CFAP20DC: variants seen among roughly 807,000 people sequenced by gnomAD.
CFAP20DC encodes CFAP20 domain containing.
Under a neutral mutation model 101.7 loss-of-function variants are expected in CFAP20DC, and 84 were observed. The ratio of observed to expected loss-of-function variants is 0.83; its 90% CI spans 0.69 to 0.99. The LOEUF (loss-of-function observed/expected upper bound fraction) is 0.99, where lower values mean the gene tolerates loss of function less well. Among genes scored for constraint, CFAP20DC ranks in the 50% least tolerant of loss-of-function variants. CFAP20DC has a pLI of 0.00. For missense variants in CFAP20DC, 1,007 were observed against 970.3 expected, an observed-to-expected ratio of 1.04 and a Z score of -0.50; for synonymous variants, 359 against 351.2, an observed-to-expected ratio of 1.02 and a Z score of -0.25.
At chr3:58,965,424 A>T (rs1433429674) in intron 4 of CFAP20DC, among the ~76,000 whole-genome samples, 2 of 152,212 alleles carry the variant, frequency 1.3e-5, no homozygotes, top group Non-Finnish European at 2.9e-5. Flanking sequence ...TATGGCATTT[A>T]AACAGTATTA....
intron 3 of CFAP20DC, among the ~76,000 whole-genome samples, chr3:59,045,695 T>C (rs1320062933): frequency 6.6e-6 from 1 of 152,124 alleles, no homozygotes; most frequent in African/African-American, 2.4e-5. Flanking sequence ...ATATATATAC[T>C]TTATGATTAA....
chr3:58,962,746 T>A (rs1311316557), intron 4 of CFAP20DC, among the ~76,000 whole-genome samples: 1 of 152,106 alleles, frequency 6.6e-6, no homozygotes, highest in Non-Finnish European at 1.5e-5. Context: ...CCCTCTTGTG[T>A]CTCCTCTGTA....
chr3:58,869,404 G>C lies in CFAP20DC; in HGVS notation c.939C>G (p.Ala313=). 6.2e-7 allele frequency: 1 copy of C among 1,613,562 alleles called. No individual in the cohort carries two copies. Among genetic ancestry groups the C allele is most frequent in the Admixed American group, 1.7e-5 (1 of 60,010 alleles). ...GTTCCTCAGACTCAGGTATCAGCAA[G>C]GCTGACATTTCTGTACCATTAACAC... ...EKCVNGTEMS[A]LLIPESEEQG... is the part of the protein sequence containing the mutation. The change falls in exon 9 of 17, where the codon GCC becomes GCG. Residue 313 remains alanine (A), a synonymous_variant. Coordinates refer to ENST00000482387, the MANE Select transcript of CFAP20DC (RefSeq NM_001394063.1). The surrounding 1 kb of genome is among the most constrained non-coding windows in gnomAD (Gnocchi z 4.3).
At chr3:58,981,729 T>C (rs1403886683) in intron 4 of CFAP20DC, among the ~76,000 whole-genome samples, 1 of 152,232 alleles carries the variant, frequency 6.6e-6, no homozygotes, top group Non-Finnish European at 1.5e-5. Context: ...AAGACTTACA[T>C]GTTAGACCTA....
chr3:58,952,482 C>A (rs1437118263), intron 4 of CFAP20DC, among the ~76,000 whole-genome samples: 1 of 152,122 alleles, frequency 6.6e-6, no homozygotes, highest in Non-Finnish European at 1.5e-5. Context: ...ATTCAAGTAA[C>A]CATCATCAAC....
chr3:58,819,173 C>T (rs2107885466), intron 14 of CFAP20DC, among the ~76,000 whole-genome samples: 1 of 147,924 alleles, frequency 6.8e-6, no homozygotes, highest in Non-Finnish European at 1.5e-5. Context: ...GCACTAAATG[C>T]CCACAAGAGA....
At chr3:58,779,368 C>G (rs1188895329) in intron 15 of CFAP20DC, among the ~76,000 whole-genome samples, 1 of 152,078 alleles carries the variant, frequency 6.6e-6, no homozygotes, top group African/African-American at 2.4e-5. Flanking sequence ...AGTAACTATG[C>G]TTATATCAAA....
chr3:59,044,114 T>G (rs1699651798), intron 3 of CFAP20DC, among the ~76,000 whole-genome samples: 4 of 152,212 alleles, frequency 2.6e-5, no homozygotes, highest in Admixed American at 2.6e-4. Context: ...TACTAAACTT[T>G]CTTCCTAAGT....
chr3:58,852,619 A>G (rs1299242583), intron 12 of CFAP20DC, among the ~76,000 whole-genome samples: 1 of 150,984 alleles, frequency 6.6e-6, no homozygotes, highest in Non-Finnish European at 1.5e-5. Flanking sequence ...AAGAACAGAA[A>G]TTATAACAAA....
chr3:59,031,472 A>T (rs1178005922), intron 4 of CFAP20DC, among the ~76,000 whole-genome samples: 1 of 152,162 alleles, frequency 6.6e-6, no homozygotes, highest in Non-Finnish European at 1.5e-5. Flanking sequence ...GATCCCCTCT[A>T]CCTTTAGCAT....
intron 2 of CFAP20DC, among the ~76,000 whole-genome samples, chr3:59,046,874 C>A (rs918041142): frequency 6.6e-6 from 1 of 152,038 alleles, no homozygotes; most frequent in African/African-American, 2.4e-5. Context: ...ATGAAGAAAT[C>A]AAGAAACTGA....
chr3:58,905,370 T>C lies in CFAP20DC; in HGVS notation c.550+8338A>G, dbSNP rs182869230. ...TCTGGTTTTTATCTTAAACACAGAA[T>C]GATATGAGTTAATCAATAATTCAGT... On this transcript the variant is annotated intron_variant, in intron 6 of 16. Coordinates refer to ENST00000482387, the MANE Select transcript of CFAP20DC (RefSeq NM_001394063.1). Among the ~76,000 whole-genome samples the C allele has an allele frequency of 2.3e-4, 35 of 152,332 alleles. No individual in the cohort carries two copies. In the East Asian group the frequency reaches 5.0e-3, roughly 22 times the overall value.
rs533094821 is a variant in CFAP20DC at position 58,999,221 on chromosome 3, A to G, written c.278+40336T>C. Among the ~76,000 whole-genome samples the G allele has an allele frequency of 1.4e-4, 22 of 152,362 alleles. 2 individuals are homozygous for G. The South Asian group carries it at 4.6e-3, about 32-fold the overall frequency. On this transcript the variant is annotated intron_variant, in intron 4 of 16. Transcript: ENST00000482387. Reference sequence around the variant, plus strand: ...GACTTGAACAAGGTCAGTGGAACATATGCTTTATGTGGTGGAAAATTAGAA... The same window carrying G: ...GACTTGAACAAGGTCAGTGGAACATGTGCTTTATGTGGTGGAAAATTAGAA...
At chr3:58,819,347 C>T (rs1264773971) in intron 14 of CFAP20DC, among the ~76,000 whole-genome samples, 1 of 152,066 alleles carries the variant, frequency 6.6e-6, no homozygotes, top group African/African-American at 2.4e-5. Flanking sequence ...ATCAATGAAT[C>T]CAGGAGCTGG....
rs374767527 is a variant in CFAP20DC at position 58,948,539 on chromosome 3, C to T, written c.279-10777G>A. Among the ~76,000 whole-genome samples, 36 of 152,250 alleles carry T rather than the reference C, an allele frequency of 2.4e-4. No homozygotes were observed. In the South Asian group the frequency reaches 7.5e-3, roughly 32 times the overall value. On this transcript the variant is annotated intron_variant, in intron 4 of 16. Transcript: ENST00000482387. ...TTTTCACAGTTAAATAACATGTAGT[C>T]CCATATATTCCAGTTTTGTCACTTG...
chr3:58,732,471 A>G lies in CFAP20DC; in HGVS notation c.198-14843T>C, dbSNP rs1359198309. ...GATGAATCAAGAGATGCTTTCACTG[A>G]CCTTTATCATTTCACGTGGATGAAA... On this transcript the variant is annotated intron_variant, in intron 3 of 3. Transcript: ENST00000486145. This position sits in a 1 kb window ranked among gnomAD's most constrained non-coding sequence, Gnocchi z 5.4. 2.0e-5 allele frequency among the ~76,000 whole-genome samples: 3 copies of G among 152,188 alleles called. No individual in the cohort carries two copies. The highest frequency in any genetic ancestry group is 6.5e-5 in the Admixed American group (1 of 15,282).
At chr3:58,946,258 A>C (rs2089346750) in intron 4 of CFAP20DC, among the ~76,000 whole-genome samples, 1 of 151,754 alleles carries the variant, frequency 6.6e-6, no homozygotes, top group South Asian at 2.1e-4. Flanking sequence ...CTGGGACTAC[A>C]GGCATGTGCC....
chr3:58,856,120 TA>T (rs201618257), intron 12 of CFAP20DC, among the ~76,000 whole-genome samples: 1 of 148,758 alleles, frequency 6.7e-6, no homozygotes, highest in Non-Finnish European at 1.5e-5. Context: ...TCAATAATAC[TA>T]AAAAAAAACC....
intron 4 of CFAP20DC, among the ~76,000 whole-genome samples, chr3:58,986,218 T>G (rs2092745824): frequency 6.6e-6 from 1 of 152,032 alleles, no homozygotes; most frequent in South Asian, 2.1e-4. Context: ...AAAGAGGAAA[T>G]AAAAGCCAGG....
Sources: allele counts gnomAD v4.1 joint callset (sites outside exome capture counted in the v4.1 genomes callset), GRCh38; gene constraint gnomAD v4.1.1; non-coding constraint Gnocchi (gnomAD v3.1); transcripts MANE v1.5; gene names NCBI Gene and HGNC (gene_info 2026-07-23, HGNC 2026-07-21).